The following ERBIN variants were observed in gnomAD, a reference collection of about 807,000 sequenced individuals.
ERBIN encodes densin-180-like protein.
ERBIN carries 60 observed loss-of-function variants against 158.4 expected under a neutral mutation model. The observed-to-expected ratio is 0.38, with a 90% CI of 0.31 to 0.47. The LOEUF is 0.47. Among genes scored for constraint, ERBIN ranks in the 20% least tolerant of loss-of-function variants. ERBIN has a pLI of 0.99. For missense variants in ERBIN, 1,610 were observed against 1,648.0 expected (o/e 0.98, Z 0.40); for synonymous variants, 594 against 557.2 (o/e 1.07, Z -0.93).
intron 1 of ERBIN, among the ~76,000 whole-genome samples, chr5:65,975,473 T>C (rs1175467179): frequency 6.6e-6 from 1 of 152,074 alleles, no homozygotes; most frequent in Admixed American, 6.5e-5. Context: ...GCCTGGCTAA[T>C]TTTTGCATTT....
At chr5:65,977,790 G>T (rs1208148553) in intron 1 of ERBIN, among the ~76,000 whole-genome samples, 2 of 152,362 alleles carry the variant, frequency 1.3e-5, no homozygotes, top group African/African-American at 4.8e-5. Context: ...CGGCACTTCG[G>T]GAGGCCAAGG....
intron 1 of ERBIN, among the ~76,000 whole-genome samples, chr5:65,950,929 A>G (rs1746425535): frequency 6.6e-6 from 1 of 152,184 alleles, no homozygotes; most frequent in Non-Finnish European, 1.5e-5. Flanking sequence ...AAAAGGGGCA[A>G]TCAAATACAG....
intron 1 of ERBIN, among the ~76,000 whole-genome samples, chr5:65,968,667 TCTC>T (rs1748926726): frequency 6.6e-6 from 1 of 152,094 alleles, no homozygotes; most frequent in South Asian, 2.1e-4. Flanking sequence ...TTCAAGCAAT[TCTC>T]CTATCTCAGT....
At chr5:66,017,978 A>G (rs1024405885) in intron 7 of ERBIN, among the ~76,000 whole-genome samples, 43 of 152,208 alleles carry the variant, frequency 2.8e-4, no homozygotes, top group Non-Finnish European at 3.8e-4. Context: ...GCCTTTTTCT[A>G]GGATGACTTG....
At chr5:65,948,199 T>C (rs916148036) in intron 1 of ERBIN, among the ~76,000 whole-genome samples, 4 of 152,034 alleles carry the variant, frequency 2.6e-5, no homozygotes, top group Admixed American at 1.3e-4. Flanking sequence ...TGTTGCTCTG[T>C]GTCCCAGGAT....
At chr5:65,931,708 T>G (rs1743406703) in intron 1 of ERBIN, among the ~76,000 whole-genome samples, 1 of 152,172 alleles carries the variant, frequency 6.6e-6, no homozygotes, top group Non-Finnish European at 1.5e-5. Context: ...CATATCTGCT[T>G]CTTCACTCCA....
chr5:65,946,787 CT>C (rs918837936), intron 1 of ERBIN, among the ~76,000 whole-genome samples: 2,870 of 134,366 alleles, frequency 0.021, 41 homozygotes, highest in Middle Eastern at 0.075. Context: ...TTGGTTGTTA[CT>C]TTTTTTTTTT....
chr5:66,045,707 A>G (rs1561419174), intron 17 of ERBIN, among the ~76,000 whole-genome samples: 1 of 152,230 alleles, frequency 6.6e-6, no homozygotes, highest in Non-Finnish European at 1.5e-5. Flanking sequence ...CACTCTGGCT[A>G]TAGAATGTCC....
intron 3 of ERBIN, among the ~76,000 whole-genome samples, chr5:65,994,056 C>T (rs1752170422): frequency 6.6e-6 from 1 of 152,064 alleles, no homozygotes; most frequent in Admixed American, 6.5e-5. Context: ...ATTTTGAAAG[C>T]CACTGCTATC....
At chr5:65,957,229 AT>A (rs1179877259) in intron 1 of ERBIN, among the ~76,000 whole-genome samples, 1 of 141,438 alleles carries the variant, frequency 7.1e-6, no homozygotes, top group Admixed American at 6.7e-5. Flanking sequence ...ATTTTATTTT[AT>A]TTTTTTTATT....
intron 1 of ERBIN, among the ~76,000 whole-genome samples, chr5:65,948,208 A>G (rs13165727): frequency 6.6e-6 from 1 of 151,528 alleles, no homozygotes; most frequent in Non-Finnish European, 1.5e-5. Context: ...GTGTCCCAGG[A>G]TGTTGCTCTG....
At chr5:66,017,200 A>G (rs1042318159) in intron 7 of ERBIN, among the ~76,000 whole-genome samples, 1 of 152,072 alleles carries the variant, frequency 6.6e-6, no homozygotes, top group East Asian at 1.9e-4. Context: ...TTTCTTTTGT[A>G]TATATACCCA....
At chr5:65,983,623 T>TAGGTGTGG (rs1750885284) in intron 1 of ERBIN, among the ~76,000 whole-genome samples, 1 of 146,246 alleles carries the variant, frequency 6.8e-6, no homozygotes, top group East Asian at 1.9e-4. Context: ...TACCATCTAA[T>TAGGTGTGG]AGGTGTGGGC....
At chr5:65,928,124 T>A (rs908397969) in intron 1 of ERBIN, among the ~76,000 whole-genome samples, 1 of 152,180 alleles carries the variant, frequency 6.6e-6, no homozygotes, top group Non-Finnish European at 1.5e-5. Context: ...CAGGATCAAA[T>A]TATTTCACAA....
intron 1 of ERBIN, among the ~76,000 whole-genome samples, chr5:65,931,468 T>C (rs2150835886): frequency 6.6e-6 from 1 of 152,332 alleles, no homozygotes; most frequent in African/African-American, 2.4e-5. Context: ...TATGGTATAA[T>C]TACAAGAAAT....
chr5:65,995,259 G>A (rs1021398309), intron 4 of ERBIN, among the ~76,000 whole-genome samples: 4 of 151,894 alleles, frequency 2.6e-5, no homozygotes, highest in Non-Finnish European at 2.9e-5. Flanking sequence ...TATACCCTTT[G>A]AACAACATAT....
At chr5:66,013,410 G>C (rs1754409053) in intron 5 of ERBIN, 139 bp from the exon 6 acceptor site, 1 of 659,678 alleles carries the variant, frequency 1.5e-6, no homozygotes, top group East Asian at 2.7e-5. Context: ...TCTTTGAAGG[G>C]GCTCTCATAA....
intron 4 of ERBIN, among the ~76,000 whole-genome samples, chr5:66,011,309 CTG>C (rs33975761): frequency 0.011 from 1,613 of 152,330 alleles, 32 homozygotes; most frequent in African/African-American, 0.037. Context: ...CTGATGTAGA[CTG>C]TCTTCCTCTT....
rs769111808 is a variant in ERBIN at position 66,044,270 on chromosome 5, A to G, written c.1562A>G (p.His521Arg). ...NEDSGRDLKP[H>R]EDQQDINKDV... ...GACTCAGGAAGAGATTTGAAACCAC[A>G]TGAAGATCAACAAGATATAAATAAA... The change falls in exon 17 of 26, where the codon CAT (histidine) becomes CGT (arginine). Residue 521 changes from histidine (H) to arginine (R), a missense_variant. By Grantham distance (29) the His-to-Arg change is conservative. This residue lies in a region of ERBIN where 596 missense variants were observed against 711.9 expected (regional missense o/e 0.84). Transcript: ENST00000284037. The G allele has an allele frequency of 3.1e-5, 50 of 1,608,174 alleles. No individual in the cohort carries two copies. The South Asian group carries it at 4.5e-4, about 14-fold the overall frequency.
Sources: allele counts gnomAD v4.1 joint callset (sites outside exome capture counted in the v4.1 genomes callset), GRCh38; gene constraint gnomAD v4.1.1; regional missense constraint gnomAD v4.1.1; transcripts MANE v1.5; gene names NCBI Gene and HGNC (gene_info 2026-07-23, HGNC 2026-07-21).